ATP6V1B1: variants seen among roughly 807,000 people sequenced by gnomAD.
The protein encoded by ATP6V1B1 is ATPase H+ transporting V1 subunit B1.
Under a neutral mutation model 62.1 loss-of-function variants are expected in ATP6V1B1, and 41 were observed. The observed-to-expected ratio is 0.66, with a 90% CI of 0.51 to 0.86. The LOEUF (loss-of-function observed/expected upper bound fraction) is 0.86. Among genes scored for constraint, ATP6V1B1 ranks in the 40% least tolerant of loss-of-function variants. The pLI is 0.00. For synonymous variants in ATP6V1B1, 253 were observed against 273.4 expected, an observed-to-expected ratio of 0.93 and a Z score of 0.74; for missense variants, 651 against 697.5, an observed-to-expected ratio of 0.93 and a Z score of 0.75.
Position 70,959,151 on chromosome 2 carries a change from C to T in ATP6V1B1, c.445+56C>T, listed in dbSNP as rs1338375651. On this transcript the variant is annotated intron_variant, in intron 5 of 13. Transcript: ENST00000234396. This position sits in a 1 kb window ranked among gnomAD's most constrained non-coding sequence, Gnocchi z 4.2. ...GGACCCAGCCCTAACACCTTCCCCA[C>T]TCTTGGAAGTTCTGCCCAGACTCAC... 3.8e-6 allele frequency: 6 copies of T among 1,570,850 alleles called. No homozygotes were observed. The East Asian group carries it at 6.7e-5, about 18-fold the overall frequency.
intron 1 of ATP6V1B1, chr2:70,941,792 C>T (rs987356228): frequency 6.0e-5 from 59 of 985,596 alleles, no homozygotes; most frequent in Non-Finnish European, 7.0e-5. Context: ...TCGAAGTCCT[C>T]CAGCACCCAA....
At chr2:70,961,141 G>T (rs1680576351) in intron 7 of ATP6V1B1, 119 bp downstream of exon 7, 7 of 1,107,940 alleles carry the variant, frequency 6.3e-6, no homozygotes, top group Non-Finnish European at 9.3e-6. Context: ...CCAGCCAGGA[G>T]GGGTGAGGAT....
chr2:70,945,701 G>GAGAGATATATATATATAT (rs1553417203), intron 2 of ATP6V1B1, among the ~76,000 whole-genome samples: 3 of 83,016 alleles, frequency 3.6e-5, no homozygotes, highest in Admixed American at 1.6e-4. Context: ...TATTTGAAGA[G>GAGAGATATATATATATAT]ATATATATAT....
Position 70,956,001 on chromosome 2 carries a change from C to A in ATP6V1B1, c.175-2045C>A. 1.7e-5 allele frequency: 3 copies of A among 179,330 alleles called. No homozygotes were observed. In the South Asian group the frequency reaches 4.9e-4, roughly 29 times the overall value. The allele number at this position is 179,330 out of a possible 1,614,324, so 11.1% of individuals were successfully genotyped here. A position where few individuals can be genotyped will look rare whatever the true frequency, so the allele number is the denominator to read the frequency against. ...AGCTGTTACTGTAGTGAAACTTGTTCGCAAAATACAAGCATACTTTTACTA... is the reference window on the plus strand; with the variant it reads ...AGCTGTTACTGTAGTGAAACTTGTTAGCAAAATACAAGCATACTTTTACTA... On this transcript the variant is annotated intron_variant, in intron 2 of 13. Coordinates refer to ENST00000234396, the MANE Select transcript of ATP6V1B1 (RefSeq NM_001692.4).
chr2:70,946,028 T>C (rs1680164071), intron 2 of ATP6V1B1, among the ~76,000 whole-genome samples: 2 of 152,008 alleles, frequency 1.3e-5, no homozygotes. Context: ...GCCCTGCTAT[T>C]GGCCATGAAC....
intron 2 of ATP6V1B1, among the ~76,000 whole-genome samples, chr2:70,953,875 G>T (rs1299988885): frequency 6.6e-6 from 1 of 152,088 alleles, no homozygotes; most frequent in Non-Finnish European, 1.5e-5. Flanking sequence ...ATCATTTTCA[G>T]TTGGTTCTGG....
intron 2 of ATP6V1B1, chr2:70,957,772 G>A: frequency 2.1e-6 from 1 of 474,264 alleles, no homozygotes; most frequent in African/African-American, 2.0e-5. Context: ...TATTTAATGA[G>A]TTACTGAAAT....
intron 1 of ATP6V1B1, chr2:70,938,447 C>A: frequency 3.1e-6 from 2 of 643,052 alleles, no homozygotes; most frequent in Non-Finnish European, 3.9e-6. Context: ...GGGAGAAAAG[C>A]TGGGGGTGCC....
intron 2 of ATP6V1B1, chr2:70,957,819 G>A (rs1553419308): frequency 1.8e-6 from 1 of 568,008 alleles, no homozygotes; most frequent in East Asian, 3.1e-5. Context: ...CAGCTACTAA[G>A]CTTCAGAGTT....
In ATP6V1B1 at chr2:70,948,695, G is replaced by C. The variant is rs1444299323; in HGVS notation, c.174+4982G>C. ...CTCCCACCTCGGAGCCCTCCTCCCCGGCCGGCCTAGTGCTGAAGCCCCCAC... is the reference window on the plus strand; with the variant it reads ...CTCCCACCTCGGAGCCCTCCTCCCCCGCCGGCCTAGTGCTGAAGCCCCCAC... On this transcript the variant is annotated intron_variant, in intron 2 of 13. Coordinates refer to ENST00000234396, the MANE Select transcript of ATP6V1B1 (RefSeq NM_001692.4). 2.9e-4 allele frequency: 44 copies of C among 152,146 alleles called. 1 individual carries two copies. Among genetic ancestry groups the C allele is most frequent in the Admixed American group, 2.8e-3 (42 of 15,272 alleles). The allele number at this position is 152,146 out of a possible 1,614,324, so 9.4% of individuals were successfully genotyped here. A position where few individuals can be genotyped will look rare whatever the true frequency, so the allele number is the denominator to read the frequency against.
rs886056276 is a variant in ATP6V1B1 at position 70,965,330 on chromosome 2, CG to C, written c.*211del. 17 of 675,144 alleles carry C rather than the reference CG, an allele frequency of 2.5e-5. No individual in the cohort carries two copies. In the East Asian group the frequency reaches 4.4e-4, roughly 17 times the overall value. The allele number at this position is 675,144 out of a possible 1,614,324, so 41.8% of individuals were successfully genotyped here. On this transcript the variant is annotated 3_prime_UTR_variant, in exon 14 of 14. Transcript: ENST00000234396. ...GCCTCCCCCTCGACTCCCGGTGCTG[CG>C]GAAGAACTGAAGGTTGCGATGCCTT...
chr2:70,936,982 C>T (rs11691310), intron 1 of ATP6V1B1, among the ~76,000 whole-genome samples: 1 of 152,170 alleles, frequency 6.6e-6, no homozygotes, highest in African/African-American at 2.4e-5. Context: ...CCCTGCATCT[C>T]CTTGTCCAAG....
rs368222427 is a variant in ATP6V1B1 at position 70,964,112 on chromosome 2, GTATTTTT to G, written c.1144-324_1144-318del. ...TGACGTTTTTCTCTTTGCTTGGCAG[GTATTTTT>G]TTTTTTTTTTTTTTTTTGCAGCTAT... On this transcript the variant is annotated intron_variant, in intron 11 of 13. Coordinates refer to ENST00000234396, the MANE Select transcript of ATP6V1B1 (RefSeq NM_001692.4). The G allele has an allele frequency of 0.08, 12,674 of 157,874 alleles. 824 individuals carry two copies. Among genetic ancestry groups the G allele is most frequent in the African/African-American group, 0.4 (7,333 of 18,472 alleles). The allele number at this position is 157,874 out of a possible 1,614,324, so 9.8% of individuals were successfully genotyped here.
chr2:70,953,879 G>C (rs1229227822), intron 2 of ATP6V1B1, among the ~76,000 whole-genome samples: 1 of 152,054 alleles, frequency 6.6e-6, no homozygotes, highest in African/African-American at 2.4e-5. Flanking sequence ...TTTTCAGTTG[G>C]TTCTGGTTTG....
At chr2:70,940,915 T>C (rs1374024563) in intron 1 of ATP6V1B1, 26 of 248,608 alleles carry the variant, frequency 1.0e-4, no homozygotes, top group African/African-American at 1.2e-4. Context: ...TTCTTTTTCT[T>C]TTTTTTTTTT....
At chr2:70,944,857 C>T (rs1553417060) in intron 2 of ATP6V1B1, among the ~76,000 whole-genome samples, 2 of 152,116 alleles carry the variant, frequency 1.3e-5, no homozygotes, top group East Asian at 1.9e-4. Context: ...TTAGCAGAGA[C>T]GGGGTTTCCC....
At chr2:70,943,393 G>A in intron 1 of ATP6V1B1, 1 of 614,736 alleles carries the variant, frequency 1.6e-6, no homozygotes, top group Non-Finnish European at 3.0e-6. Flanking sequence ...GCCTCTGTGT[G>A]GTGGGGGCGG....
chr2:70,958,538 G>A, intron 4 of ATP6V1B1, 112 bp downstream of exon 4: 1 of 1,042,212 alleles, frequency 9.6e-7, no homozygotes, highest in Non-Finnish European at 1.4e-6. Context: ...CTTCCTGCCT[G>A]TCTCTCTGGT....
chr2:70,944,195 G>A, intron 2 of ATP6V1B1: 2 of 1,289,760 alleles, frequency 1.6e-6, no homozygotes, highest in Non-Finnish European at 2.0e-6. Context: ...GCCTCCAAAG[G>A]CCTTTGGAAT....
Sources: gnomAD v4.1 joint callset for allele counts (sites outside exome capture counted in the v4.1 genomes callset) on GRCh38, gnomAD v4.1.1 for gene constraint, Gnocchi (gnomAD v3.1) non-coding constraint, MANE v1.5 for transcripts, NCBI Gene and HGNC (gene_info 2026-07-23, HGNC 2026-07-21) for gene names.